PCDHA5: variants seen among roughly 807,000 people sequenced by gnomAD.
PCDHA5 encodes protocadherin alpha-5.
A neutral mutation model predicts 61.6 loss-of-function variants in PCDHA5; 43 were observed. The observed-to-expected ratio is 0.70, with a 90% CI of 0.55 to 0.90. The LOEUF is 0.90. Ranked by LOEUF, PCDHA5 falls within the 40% of genes least tolerant of loss-of-function variation. The probability of loss-of-function intolerance (pLI) is 0.00; values close to 1 mark genes in which losing one functional copy is unlikely to be tolerated. For synonymous variants in PCDHA5, 627 were observed against 543.9 expected (o/e 1.15, Z -2.13); for missense variants, 1,298 against 1,222.7 (o/e 1.06, Z -0.92).
At chr5:141,006,828 G>A (rs1554260937) in intron 3 of PCDHA5, among the ~76,000 whole-genome samples, 1 of 152,162 alleles carries the variant, frequency 6.6e-6, no homozygotes, top group Non-Finnish European at 1.5e-5. Context: ...TAAATGGGGT[G>A]TAATTTACTG....
chr5:140,986,220 T>C (rs2097190951), intron 3 of PCDHA5, among the ~76,000 whole-genome samples: 1 of 152,194 alleles, frequency 6.6e-6, no homozygotes, highest in African/African-American at 2.4e-5. Flanking sequence ...CCCCTTTCTC[T>C]AGCCTCCCCT....
At chr5:140,914,921 T>C (rs895344325) in intron 1 of PCDHA5, among the ~76,000 whole-genome samples, 1 of 151,508 alleles carries the variant, frequency 6.6e-6, no homozygotes, top group Non-Finnish European at 1.5e-5. Context: ...TGTGTCTTAT[T>C]GTACTATGTT....
At position 140,869,590 on chromosome 5, in the gene PCDHA5, G is replaced by A. The variant is rs372301742; in HGVS notation, c.2352+45463G>A. 61 of 1,613,984 alleles carry A rather than the reference G, an allele frequency of 3.8e-5. No individual in the cohort carries two copies. The highest frequency in any genetic ancestry group is 4.9e-5 in the Non-Finnish European group (58 of 1,180,038). ...AGAGGGAGCTTCTGATGCTGACATT[G>A]AAGAGAATGCTCTATTGACCTACAG... On this transcript the variant is annotated intron_variant, in intron 1 of 3. Coordinates refer to ENST00000529859, the MANE Select transcript of PCDHA5 (RefSeq NM_018908.3).
chr5:140,975,058 C>T (rs1016137596), intron 1 of PCDHA5, among the ~76,000 whole-genome samples: 34 of 152,090 alleles, frequency 2.2e-4, no homozygotes, highest in African/African-American at 8.2e-4. Context: ...AATCTACTAT[C>T]GAGCTCATTC....
chr5:140,961,704 C>T (rs1381981839), intron 1 of PCDHA5, among the ~76,000 whole-genome samples: 1 of 152,086 alleles, frequency 6.6e-6, no homozygotes, highest in African/African-American at 2.4e-5. Flanking sequence ...GTATGAATGC[C>T]TTCATTTCTA....
intron 1 of PCDHA5, among the ~76,000 whole-genome samples, chr5:140,905,373 G>C (rs556428182): frequency 3.1e-4 from 47 of 152,236 alleles, no homozygotes; most frequent in Non-Finnish European, 4.6e-4. Context: ...CTGGTTCTCT[G>C]TTCTGTTTCA....
At chr5:140,850,803 A>T in intron 1 of PCDHA5, 1 of 1,598,380 alleles carries the variant, frequency 6.3e-7, no homozygotes, top group East Asian at 2.2e-5. Flanking sequence ...GACCGACCTC[A>T]TGGCCTTCAG....
intron 1 of PCDHA5, among the ~76,000 whole-genome samples, chr5:140,970,255 A>G (rs155806): frequency 0.089 from 13,563 of 152,250 alleles, 783 homozygotes; most frequent in Middle Eastern, 0.22. Context: ...GACAGTTTCT[A>G]TGGTTTTGAT....
intron 1 of PCDHA5, chr5:140,850,513 G>C (rs782718204): frequency 2.5e-6 from 4 of 1,598,108 alleles, no homozygotes; most frequent in Non-Finnish European, 2.6e-6. Flanking sequence ...GTGGAGAGCG[G>C]CCAGGCGCCA....
intron 1 of PCDHA5, among the ~76,000 whole-genome samples, chr5:140,916,666 A>G (rs782065585): frequency 2.0e-5 from 3 of 152,176 alleles, no homozygotes; most frequent in Non-Finnish European, 2.9e-5. Flanking sequence ...AAGATGCAAG[A>G]CAAAGTCCTC....
At chr5:140,857,947 G>A in intron 1 of PCDHA5, 4 of 1,597,414 alleles carry the variant, frequency 2.5e-6, no homozygotes, top group Non-Finnish European at 2.6e-6. Context: ...TCAGTACGAC[G>A]CGCGCTCTGG....
Position 140,838,077 on chromosome 5 carries a change from AGTGTGTGTGTGTGTG to A in PCDHA5, c.2352+13951_2352+13965del, listed in dbSNP as rs1775482926. Among the ~76,000 whole-genome samples, 4 of 80,664 alleles carry A rather than the reference AGTGTGTGTGTGTGTG, an allele frequency of 5.0e-5. 1 individual carries two copies. Among genetic ancestry groups the A allele is most frequent in the African/African-American group, 2.5e-4 (4 of 16,244 alleles). The allele number at this position is 80,664 out of a possible 152,430, so 52.9% of individuals were successfully genotyped here. On this transcript the variant is annotated intron_variant, in intron 1 of 3. Transcript: ENST00000529859. ...TTTCCACTTTAAGTTATATATATATAGTGTGTGTGTGTGTGTGTGTGTGTGTGTGTGTGTGTGTGT... is the reference window on the plus strand; with the variant it reads ...TTTCCACTTTAAGTTATATATATATATGTGTGTGTGTGTGTGTGTGTGTGT...
intron 1 of PCDHA5, chr5:140,847,470 C>A (rs972055023): frequency 6.7e-6 from 1 of 149,674 alleles, no homozygotes; most frequent in Non-Finnish European, 1.5e-5. Context: ...TCGACTTGGA[C>A]GTTGGAATAA....
chr5:140,865,243 T>C (rs1554159328), intron 1 of PCDHA5: 1 of 152,228 alleles, frequency 6.6e-6, no homozygotes, highest in Non-Finnish European at 1.5e-5. Flanking sequence ...CACGTATTTA[T>C]AGCTGTAAGG....
chr5:140,999,678 G>A (rs1204037119), intron 3 of PCDHA5, among the ~76,000 whole-genome samples: 2 of 152,112 alleles, frequency 1.3e-5, no homozygotes, highest in East Asian at 1.9e-4. Context: ...GGGGCTCACA[G>A]AAAGAAGAAA....
chr5:140,848,322 C>T, intron 1 of PCDHA5: 1 of 771,738 alleles, frequency 1.3e-6, no homozygotes, highest in Non-Finnish European at 2.1e-6. Flanking sequence ...CCGCGATGTT[C>T]TCTCTGAATC....
intron 1 of PCDHA5, chr5:140,967,421 C>T (rs2096138629): frequency 6.2e-7 from 1 of 1,613,120 alleles, no homozygotes; most frequent in Non-Finnish European, 8.5e-7. Context: ...AGACCGGGAG[C>T]AGGCAGCCTT....
At chr5:140,994,214 G>A (rs2153923643) in intron 3 of PCDHA5, among the ~76,000 whole-genome samples, 1 of 152,296 alleles carries the variant, frequency 6.6e-6, no homozygotes, top group South Asian at 2.1e-4. Flanking sequence ...ATGGGACCCA[G>A]GGTCTGTCTA....
chr5:140,826,446 T>G (rs1768942723), intron 1 of PCDHA5, among the ~76,000 whole-genome samples: 1 of 152,178 alleles, frequency 6.6e-6, no homozygotes, highest in South Asian at 2.1e-4. Context: ...AGAAAAGGCT[T>G]TGTGTCACAA....
Sources: gnomAD v4.1 joint callset for allele counts (sites outside exome capture counted in the v4.1 genomes callset) on GRCh38, gnomAD v4.1.1 for gene constraint, MANE v1.5 for transcripts, NCBI Gene and HGNC (gene_info 2026-07-23, HGNC 2026-07-21) for gene names.